The following MALRD1 variants were observed in gnomAD, a reference collection of about 807,000 sequenced individuals.
MALRD1 encodes MAM and LDL receptor class A domain containing 1, also known as MAM and LDL-receptor class A domain-containing protein 1.
MALRD1 carries 247 observed loss-of-function variants against 242.1 expected under a neutral mutation model. The ratio of observed to expected loss-of-function variants is 1.02; its 90% CI spans 0.92 to 1.13. The LOEUF (loss-of-function observed/expected upper bound fraction) is 1.13, where lower values mean the gene tolerates loss of function less well. Ranked by LOEUF, MALRD1 falls within the 50% of genes most tolerant of loss-of-function variation. MALRD1 has a pLI of 0.00. For synonymous variants in MALRD1, 995 were observed against 866.6 expected (o/e 1.15, Z -2.60); for missense variants, 2,989 against 2,533.1 (o/e 1.18, Z -3.86).
chr10:19,287,556 G>C (rs1462904623), intron 21 of MALRD1, among the ~76,000 whole-genome samples: 2 of 151,740 alleles, frequency 1.3e-5, no homozygotes, highest in Non-Finnish European at 2.9e-5. Context: ...CTTTTTTTCT[G>C]TAGATGTTTT....
At chr10:19,170,705 A>G (rs897949240) in intron 13 of MALRD1, among the ~76,000 whole-genome samples, 1 of 152,258 alleles carries the variant, frequency 6.6e-6, no homozygotes, top group East Asian at 1.9e-4. Flanking sequence ...ATTTCATTAG[A>G]GAGATGCAGG....
At chr10:19,651,045 T>C (rs1255616322) in intron 36 of MALRD1, among the ~76,000 whole-genome samples, 1 of 152,246 alleles carries the variant, frequency 6.6e-6, no homozygotes, top group African/African-American at 2.4e-5. Context: ...AGATGGTCTC[T>C]GTTCTTGACC....
At chr10:19,117,646 C>T (rs1836919066) in intron 5 of MALRD1, among the ~76,000 whole-genome samples, 1 of 152,026 alleles carries the variant, frequency 6.6e-6, no homozygotes, top group African/African-American at 2.4e-5. Flanking sequence ...GCCAACATTC[C>T]CTTAGTTGCA....
At chr10:19,297,364 G>T (rs910826478) in intron 21 of MALRD1, among the ~76,000 whole-genome samples, 1 of 151,490 alleles carries the variant, frequency 6.6e-6, no homozygotes, top group Non-Finnish European at 1.5e-5. Context: ...ATAATCATAA[G>T]ATTAAAAGAG....
At chr10:19,159,126 T>C (rs1834289147) in intron 12 of MALRD1, among the ~76,000 whole-genome samples, 1 of 152,288 alleles carries the variant, frequency 6.6e-6, no homozygotes, top group Non-Finnish European at 1.5e-5. Flanking sequence ...TTATTGAAGA[T>C]TCTAACCCTC....
At chr10:19,536,786 A>T (rs555797919) in intron 32 of MALRD1, among the ~76,000 whole-genome samples, 6 of 152,298 alleles carry the variant, frequency 3.9e-5, no homozygotes, top group Admixed American at 3.9e-4. Flanking sequence ...TCTAGTAGTG[A>T]TAACAGAAAA....
At chr10:19,312,136 C>T (rs78267448) in intron 21 of MALRD1, among the ~76,000 whole-genome samples, 10,083 of 151,200 alleles carry the variant, frequency 0.067, 368 homozygotes, top group Middle Eastern at 0.14. Context: ...CATTAAAATA[C>T]AGAAACTGAA....
At chr10:19,358,122 A>G (rs1414837702) in intron 26 of MALRD1, among the ~76,000 whole-genome samples, 1 of 151,898 alleles carries the variant, frequency 6.6e-6, no homozygotes, top group African/African-American at 2.4e-5. Context: ...TGCAAATTCA[A>G]TCACGGTCAT....
chr10:19,412,931 A>G (rs1418683641), intron 28 of MALRD1, among the ~76,000 whole-genome samples: 1 of 152,180 alleles, frequency 6.6e-6, no homozygotes, highest in Non-Finnish European at 1.5e-5. Context: ...TGTAGATCAA[A>G]CATTTTATTT....
chr10:19,678,646 C>T (rs1471331884), intron 36 of MALRD1, among the ~76,000 whole-genome samples: 1 of 152,020 alleles, frequency 6.6e-6, no homozygotes, highest in Non-Finnish European at 1.5e-5. Flanking sequence ...TTATTTCTTT[C>T]TCTTCTCTGA....
At chr10:19,191,426 G>A (rs999158201) in intron 14 of MALRD1, among the ~76,000 whole-genome samples, 5 of 152,126 alleles carry the variant, frequency 3.3e-5, no homozygotes, top group African/African-American at 4.8e-5. Flanking sequence ...TGTGGAAGAG[G>A]AAAGCAATTC....
intron 31 of MALRD1, among the ~76,000 whole-genome samples, chr10:19,528,816 T>A (rs1834210373): frequency 6.6e-6 from 1 of 152,100 alleles, no homozygotes; most frequent in Non-Finnish European, 1.5e-5. Context: ...ACAATTCTTT[T>A]TAGATTCATT....
At chr10:19,295,591 A>T (rs1841657779) in intron 21 of MALRD1, among the ~76,000 whole-genome samples, 2 of 152,164 alleles carry the variant, frequency 1.3e-5, no homozygotes, top group South Asian at 4.1e-4. Context: ...TGAGAGAAAA[A>T]AGCTGGAAGT....
At chr10:19,701,037 T>C (rs1352210474) in intron 38 of MALRD1, among the ~76,000 whole-genome samples, 1 of 152,122 alleles carries the variant, frequency 6.6e-6, no homozygotes, top group Non-Finnish European at 1.5e-5. Context: ...TAGTCCCAGC[T>C]ATTCCGGAGG....
chr10:19,649,773 T>C (rs1840789654), intron 36 of MALRD1, among the ~76,000 whole-genome samples: 1 of 152,196 alleles, frequency 6.6e-6, no homozygotes, highest in Admixed American at 6.5e-5. Flanking sequence ...TGATTGCTTT[T>C]GGTGTCTTTG....
intron 19 of MALRD1, among the ~76,000 whole-genome samples, chr10:19,263,525 G>C (rs1334522686): frequency 6.6e-6 from 1 of 151,842 alleles, no homozygotes; most frequent in Admixed American, 6.6e-5. Context: ...TTGCTGTTGA[G>C]TTGTATAAGT....
At chr10:19,695,059 C>G (rs547034757) in intron 38 of MALRD1, among the ~76,000 whole-genome samples, 14 of 152,198 alleles carry the variant, frequency 9.2e-5, no homozygotes, top group African/African-American at 3.1e-4. Flanking sequence ...ACATCACACA[C>G]CGGGGCCTGT....
At chr10:19,689,642 T>C (rs1842740466) in intron 36 of MALRD1, among the ~76,000 whole-genome samples, 1 of 152,194 alleles carries the variant, frequency 6.6e-6, no homozygotes, top group African/African-American at 2.4e-5. Flanking sequence ...AATTATCTTA[T>C]ACAACGATAT....
chr10:19,726,030 G>A (rs1431848867), intron 38 of MALRD1, among the ~76,000 whole-genome samples: 1 of 152,062 alleles, frequency 6.6e-6, no homozygotes, highest in Non-Finnish European at 1.5e-5. Flanking sequence ...CATGATCTTG[G>A]ATTTGGAAAT....
Sources: gnomAD v4.1 joint callset for allele counts (sites outside exome capture counted in the v4.1 genomes callset) on GRCh38, gnomAD v4.1.1 for gene constraint, MANE v1.5 for transcripts, NCBI Gene and HGNC (gene_info 2026-07-23, HGNC 2026-07-21) for gene names.